MORF4L1: variants seen among roughly 807,000 people sequenced by gnomAD.
MORF4L1 encodes the protein mortality factor 4 like 1, also known as mortality factor 4-like protein 1.
In MORF4L1, 4 loss-of-function variants were observed where a neutral mutation model predicts 52.9. That is an observed-to-expected ratio of 0.08 (90% CI 0.04 to 0.17). The LOEUF (loss-of-function observed/expected upper bound fraction) is 0.17. Among genes scored for constraint, MORF4L1 ranks in the 10% least tolerant of loss-of-function variants. MORF4L1 has a pLI of 1.00. For missense variants in MORF4L1, 214 were observed against 390.4 expected, an observed-to-expected ratio of 0.55 and a Z score of 3.81; for synonymous variants, 123 against 134.8, an observed-to-expected ratio of 0.91 and a Z score of 0.61.
rs1312682390 is a variant in MORF4L1 at position 78,894,878 on chromosome 15, A to G, written c.861A>G (p.Leu287=). ...TGGATGAGAAGAGCCTTGCTTTATT[A>G]CTCAATTATCTTCACGATTTCCTAA... ...TPLDEKSLAL[L]LNYLHDFLKY... Residue 287 remains leucine, a synonymous_variant, in exon 11 of 12, where the codon TTA becomes TTG. Coordinates refer to ENST00000426013, the MANE Select transcript of MORF4L1 (RefSeq NM_006791.4). 1 of 1,613,436 alleles carries G rather than the reference A, an allele frequency of 6.2e-7. No homozygotes were observed. Among genetic ancestry groups the G allele is most frequent in the Admixed American group, 1.7e-5 (1 of 60,022 alleles).
chr15:78,877,054 C>T (rs2056506308), intron 1 of MORF4L1, among the ~76,000 whole-genome samples: 1 of 144,962 alleles, frequency 6.9e-6, no homozygotes, highest in Admixed American at 7.1e-5. Context: ...ATTCTCATGT[C>T]TCAGCCTCCC....
intron 6 of MORF4L1, 81 bp from the exon 7 acceptor site, chr15:78,891,403 G>C: frequency 1.9e-6 from 2 of 1,027,454 alleles, no homozygotes; most frequent in Admixed American, 3.9e-5. Flanking sequence ...TAATGAAAAG[G>C]GTTAATGTGT....
At chr15:78,893,423 C>G (rs1649740662) in intron 8 of MORF4L1, 116 bp from the exon 9 acceptor site, 1 of 700,584 alleles carries the variant, frequency 1.4e-6, no homozygotes, top group African/African-American at 1.8e-5. Flanking sequence ...TGAATAGTAT[C>G]TTTCCTAATT....
At chr15:78,892,182 G>T in intron 7 of MORF4L1, 30 bp from the exon 8 acceptor site, 1 of 1,531,248 alleles carries the variant, frequency 6.5e-7, no homozygotes, top group Non-Finnish European at 9.0e-7. Context: ...GAAAGGTTAG[G>T]TTTTTAATAC....
At chr15:78,873,305 C>T (rs1250840585) in intron 1 of MORF4L1, 22 of 1,249,854 alleles carry the variant, frequency 1.8e-5, no homozygotes, top group Non-Finnish European at 2.3e-5. Flanking sequence ...GCGTGGCACA[C>T]CCTCGTCAAG....
At chr15:78,896,367 A>G (rs1031695589) in intron 11 of MORF4L1, among the ~76,000 whole-genome samples, 12 of 127,580 alleles carry the variant, frequency 9.4e-5, no homozygotes, top group African/African-American at 3.0e-4. Flanking sequence ...GCTGGAGTAC[A>G]GTGGCGTGAT....
At chr15:78,873,263 C>A in intron 1 of MORF4L1, 5 of 1,482,286 alleles carry the variant, frequency 3.4e-6, no homozygotes, top group Non-Finnish European at 4.5e-6. Flanking sequence ...GAGTGCTGCG[C>A]AGGCGTTAGA....
chr15:78,896,701 A>G (rs2056896504), intron 11 of MORF4L1, among the ~76,000 whole-genome samples: 1 of 152,186 alleles, frequency 6.6e-6, no homozygotes, highest in Non-Finnish European at 1.5e-5. Context: ...AGATGGTTCA[A>G]GCTCCCAAGT....
In MORF4L1 at chr15:78,887,362, T is replaced by A; in HGVS notation, c.323+13T>A. The A allele has an allele frequency of 6.3e-7, 1 of 1,599,784 alleles. No homozygotes were observed. Among genetic ancestry groups the A allele is most frequent in the Middle Eastern group, 1.7e-4 (1 of 6,008 alleles). On this transcript the variant is annotated intron_variant, in intron 5 of 11. Coordinates refer to ENST00000426013, the MANE Select transcript of MORF4L1 (RefSeq NM_006791.4). ...AAAATGTTGAAGTGTAAGAAGCTCT[T>A]TGTTTTGATTTTGCATACTATATGT...
At position 78,897,079 on chromosome 15, in the gene MORF4L1, A is replaced by G. The variant is rs568552828; in HGVS notation, c.*12A>G. ...GGAAAGCTGTGTGAGAGGCACTCTCACTCACTTATGTTTGGATCTCCGTAA... is the reference window on the plus strand; with the variant it reads ...GGAAAGCTGTGTGAGAGGCACTCTCGCTCACTTATGTTTGGATCTCCGTAA... On this transcript the variant is annotated 3_prime_UTR_variant, in exon 12 of 12. Transcript: ENST00000426013. 3 of 1,601,272 alleles carry G rather than the reference A, an allele frequency of 1.9e-6. No individual in the cohort carries two copies. Among genetic ancestry groups the G allele is most frequent in the Non-Finnish European group, 8.5e-7 (1 of 1,170,138 alleles).
At chr15:78,884,200 T>C (rs1335765572) in intron 3 of MORF4L1, among the ~76,000 whole-genome samples, 1 of 108,062 alleles carries the variant, frequency 9.3e-6, no homozygotes, top group Non-Finnish European at 1.9e-5. Flanking sequence ...CAAGACTCCA[T>C]CTCAAAAAAA....
Position 78,897,289 on chromosome 15 carries a change from T to C in MORF4L1, c.*222T>C, listed in dbSNP as rs2056908129. 2 of 424,788 alleles carry C rather than the reference T, an allele frequency of 4.7e-6. No homozygotes were observed. Among genetic ancestry groups the C allele is most frequent in the East Asian group, 9.1e-5 (2 of 22,046 alleles). 26.3% of individuals were successfully genotyped at this position (424,788 alleles called of 1,614,324 possible). A position where few individuals can be genotyped will look rare whatever the true frequency, so the allele number is the denominator to read the frequency against. On this transcript the variant is annotated 3_prime_UTR_variant, in exon 12 of 12. Transcript: ENST00000426013. ...AAATTGCTGCCAGTGTTTTCAATGA[T>C]GGACAACAGAGGGATATGCTGTAGA...
intron 11 of MORF4L1, 70 bp from the exon 12 acceptor site, chr15:78,896,913 A>G: frequency 1.7e-6 from 2 of 1,167,342 alleles, no homozygotes; most frequent in African/African-American, 1.5e-5. Flanking sequence ...TATGTATATA[A>G]TATATAGGAA....
In MORF4L1 at chr15:78,878,244, T is replaced by G; in HGVS notation, c.72T>G (p.Leu24=). 2 of 1,612,022 alleles carry G rather than the reference T, an allele frequency of 1.2e-6. No homozygotes were observed. Among genetic ancestry groups the G allele is most frequent in the South Asian group, 1.1e-5 (1 of 90,646 alleles). Reference sequence around the variant, plus strand: ...GAGTGCTGTGCTTTCATGGGCCTCTTCTTTATGAAGCAAAGGTATGAAACT... The same window carrying G: ...GAGTGCTGTGCTTTCATGGGCCTCTGCTTTATGAAGCAAAGGTATGAAACT... ...GERVLCFHGP[L]LYEAKCVKVA... The change falls in exon 2 of 12, where the codon CTT becomes CTG. Residue 24 remains leucine (L), a synonymous_variant. Transcript: ENST00000426013.
chr15:78,885,185 TC>T, intron 3 of MORF4L1: 1 of 890,512 alleles, frequency 1.1e-6, no homozygotes, highest in Non-Finnish European at 1.7e-6. Context: ...AGGTGGGAAA[TC>T]ATTAAACAAA....
chr15:78,890,073 AGCTGGGAGTGGT>A (rs1193779062), intron 5 of MORF4L1, among the ~76,000 whole-genome samples: 1 of 152,064 alleles, frequency 6.6e-6, no homozygotes, highest in East Asian at 1.9e-4. Context: ...TACAAAAATG[AGCTGGGAGTGGT>A]GGTGGGTGCC....
intron 2 of MORF4L1, among the ~76,000 whole-genome samples, chr15:78,878,673 G>C (rs1375128276): frequency 6.6e-6 from 1 of 152,218 alleles, no homozygotes; most frequent in Non-Finnish European, 1.5e-5. Flanking sequence ...ACATTTAACT[G>C]TTGATTGTTG....
chr15:78,887,841 T>A (rs2056732943), intron 5 of MORF4L1, among the ~76,000 whole-genome samples: 1 of 152,282 alleles, frequency 6.6e-6, no homozygotes, highest in Admixed American at 6.5e-5. Context: ...TGCAGTGGTG[T>A]GATCTGTGCT....
chr15:78,876,723 A>G, intron 1 of MORF4L1: 1 of 345,870 alleles, frequency 2.9e-6, no homozygotes, highest in South Asian at 2.2e-5. Flanking sequence ...CCGTTGGAGA[A>G]GTCTTTGATC....
Sources: allele counts gnomAD v4.1 joint callset (sites outside exome capture counted in the v4.1 genomes callset), GRCh38; gene constraint gnomAD v4.1.1; transcripts MANE v1.5; gene names NCBI Gene and HGNC (gene_info 2026-07-23, HGNC 2026-07-21).